The following ERBB4 variants were observed in gnomAD, a reference collection of about 807,000 sequenced individuals.
The protein encoded by ERBB4 is erb-b2 receptor tyrosine kinase 4, also known as receptor tyrosine-protein kinase erbB-4.
A neutral mutation model predicts 158.0 loss-of-function variants in ERBB4; 42 were observed. The observed-to-expected ratio is 0.27, with a 90% confidence interval of 0.21 to 0.34. ERBB4 has a LOEUF of 0.34. ERBB4 is among the 10% of genes least tolerant of loss of function. The pLI, the probability that ERBB4 is intolerant of heterozygous loss-of-function variation, is 1.00. For missense variants in ERBB4, 1,333 were observed against 1,624.1 expected (o/e 0.82, Z 3.08); for synonymous variants, 583 against 558.7 (o/e 1.04, Z -0.61).
intron 1 of ERBB4, among the ~76,000 whole-genome samples, chr2:212,376,847 T>C (rs1183223697): frequency 6.6e-6 from 1 of 151,998 alleles, no homozygotes; most frequent in Non-Finnish European, 1.5e-5. Context: ...CATTTTTCCA[T>C]GAAAGTTTTG....
intron 20 of ERBB4, among the ~76,000 whole-genome samples, chr2:211,515,896 T>TTTTATATATATATATATATATATATATA (rs1394844699): frequency 6.7e-5 from 6 of 88,946 alleles, no homozygotes; most frequent in African/African-American, 3.1e-4. Context: ...AAAACATATA[T>TTTTATATATATATATATATATATATATA]TATATATATA....
At chr2:212,268,553 C>T (rs528451328) in intron 1 of ERBB4, among the ~76,000 whole-genome samples, 19 of 151,982 alleles carry the variant, frequency 1.3e-4, no homozygotes, top group African/African-American at 4.6e-4. Flanking sequence ...AGTTAATTCA[C>T]ACATGCATTT....
chr2:211,698,350 C>T (rs543254811), intron 12 of ERBB4, among the ~76,000 whole-genome samples: 1 of 149,328 alleles, frequency 6.7e-6, no homozygotes, highest in Admixed American at 6.7e-5. Context: ...TAAGGAAGAG[C>T]TCTATGCTCT....
chr2:212,373,834 T>TCC (rs1396905514), intron 1 of ERBB4, among the ~76,000 whole-genome samples: 39 of 119,120 alleles, frequency 3.3e-4, no homozygotes, highest in South Asian at 5.4e-4. Context: ...CATATATATA[T>TCC]ATATCCATGT....
intron 2 of ERBB4, among the ~76,000 whole-genome samples, chr2:211,999,313 A>AT (rs1363812802): frequency 6.6e-6 from 1 of 151,768 alleles, no homozygotes; most frequent in Non-Finnish European, 1.5e-5. Context: ...GCATCAATCA[A>AT]TTTTTTGCCA....
rs59417389 is a variant in ERBB4, at chr2:211,435,965, T to G, written c.2488-4865A>C. Among the ~76,000 whole-genome samples, 46 of 23,938 alleles carry G rather than the reference T, an allele frequency of 1.9e-3. 1 individual carries two copies. The highest frequency in any genetic ancestry group is 0.018 in the East Asian group (29 of 1,626). 15.7% of individuals were successfully genotyped at this position (23,938 alleles called of 152,430 possible). A position where few individuals can be genotyped will look rare whatever the true frequency, so the allele number is the denominator to read the frequency against. On this transcript the variant is annotated intron_variant, in intron 20 of 27. Coordinates refer to ENST00000342788, the MANE Select transcript of ERBB4 (RefSeq NM_005235.3). Reference sequence around the variant, plus strand: ...GGTCATACAGTTTTGTTTTCTTTGTTTTTTTTTTTGAGACAAGGTCTAGCT... The same window carrying G: ...GGTCATACAGTTTTGTTTTCTTTGTGTTTTTTTTTGAGACAAGGTCTAGCT...
At chr2:211,670,372 GATT>G (rs1248534726) in intron 14 of ERBB4, among the ~76,000 whole-genome samples, 1 of 152,126 alleles carries the variant, frequency 6.6e-6, no homozygotes, top group Non-Finnish European at 1.5e-5. Flanking sequence ...AGCATTCAAA[GATT>G]ACTGATTCTT....
intron 20 of ERBB4, among the ~76,000 whole-genome samples, chr2:211,485,961 T>G (rs1306905406): frequency 6.6e-6 from 1 of 152,144 alleles, no homozygotes; most frequent in Non-Finnish European, 1.5e-5. Flanking sequence ...TCTAAGAGAA[T>G]GTATTATGAT....
At chr2:211,391,495 C>T (rs1387418731) in intron 25 of ERBB4, among the ~76,000 whole-genome samples, 3 of 152,078 alleles carry the variant, frequency 2.0e-5, no homozygotes, top group East Asian at 1.9e-4. Flanking sequence ...TAGAAAGAGG[C>T]GGGTTAGGAA....
chr2:211,500,460 CAT>C (rs2065588777), intron 20 of ERBB4, among the ~76,000 whole-genome samples: 1 of 152,016 alleles, frequency 6.6e-6, no homozygotes, highest in South Asian at 2.1e-4. Context: ...TTTAAACTTT[CAT>C]GTATTAATAG....
In ERBB4 at chr2:211,810,432, T is replaced by C. The variant is rs13403812; in HGVS notation, c.422-22273A>G. The stretch of plus-strand genomic sequence containing the variant: ...GCTCTTCTTGTTGAATTGATCCCTT[T>C]ACCATTATGTAATGGCCTTTTTTGT... On this transcript the variant is annotated intron_variant, in intron 3 of 27. Transcript: ENST00000342788. Among the ~76,000 whole-genome samples, 414 of 152,348 alleles carry C rather than the reference T, an allele frequency of 2.7e-3. 3 individuals are homozygous for C. Among genetic ancestry groups the C allele is most frequent in the African/African-American group, 9.7e-3 (404 of 41,582 alleles).
chr2:211,408,963 A>G (rs536146266), intron 25 of ERBB4, among the ~76,000 whole-genome samples: 85 of 152,336 alleles, frequency 5.6e-4, no homozygotes, highest in Non-Finnish European at 9.1e-4. Flanking sequence ...TGTAAAGGGG[A>G]CAGGATATTT....
At chr2:211,888,501 G>A (rs1435506072) in intron 3 of ERBB4, among the ~76,000 whole-genome samples, 1 of 152,152 alleles carries the variant, frequency 6.6e-6, no homozygotes, top group African/African-American at 2.4e-5. Context: ...ATTCTATTGT[G>A]TTTCACTTAT....
intron 1 of ERBB4, among the ~76,000 whole-genome samples, chr2:212,490,414 CCTCA>C (rs143531335): frequency 0.022 from 3,320 of 151,740 alleles, 99 homozygotes; most frequent in South Asian, 0.08. Context: ...ATTTTCATGC[CCTCA>C]CTGTCTAGTT....
chr2:211,679,505 C>A (rs565687234), intron 12 of ERBB4, among the ~76,000 whole-genome samples: 9 of 152,210 alleles, frequency 5.9e-5, no homozygotes, highest in African/African-American at 2.2e-4. Flanking sequence ...TCTCTCAAGC[C>A]AATGCTTTGC....
At chr2:211,942,533 A>G (rs1320648062) in intron 3 of ERBB4, among the ~76,000 whole-genome samples, 1 of 151,814 alleles carries the variant, frequency 6.6e-6, no homozygotes, top group African/African-American at 2.4e-5. Flanking sequence ...TCTATTTTTC[A>G]TCTACCAGAA....
At chr2:211,405,930 T>G (rs1286090220) in intron 25 of ERBB4, among the ~76,000 whole-genome samples, 4 of 152,172 alleles carry the variant, frequency 2.6e-5, no homozygotes, top group Admixed American at 2.0e-4. Context: ...CCTAGACTTC[T>G]CTCCTTCCCA....
At chr2:212,207,408 A>G (rs981033416) in intron 1 of ERBB4, among the ~76,000 whole-genome samples, 2 of 152,198 alleles carry the variant, frequency 1.3e-5, no homozygotes, top group African/African-American at 4.8e-5. Flanking sequence ...AAGCAATAGC[A>G]TCTGTTTCTA....
At chr2:211,879,167 G>A (rs2106143098) in intron 3 of ERBB4, among the ~76,000 whole-genome samples, 1 of 151,896 alleles carries the variant, frequency 6.6e-6, no homozygotes, top group South Asian at 2.1e-4. Context: ...AGACAAAAAT[G>A]ACTACTTAAT....
Sources: gnomAD v4.1 joint callset for allele counts (sites outside exome capture counted in the v4.1 genomes callset) on GRCh38, gnomAD v4.1.1 for gene constraint, MANE v1.5 for transcripts, NCBI Gene and HGNC (gene_info 2026-07-23, HGNC 2026-07-21) for gene names.